NUDT7: variants seen among roughly 807,000 people sequenced by gnomAD.
NUDT7 encodes nudix hydrolase 7, also known as peroxisomal coenzyme A diphosphatase NUDT7.
A neutral mutation model predicts 13.1 loss-of-function variants in NUDT7; 19 were observed. That is an observed-to-expected ratio of 1.45 (90% CI 1.01 to 2.13). NUDT7 has a LOEUF of 2.13. Ranked by LOEUF, NUDT7 falls within the 30% of genes most tolerant of loss-of-function variation. The pLI, the probability that NUDT7 is intolerant of heterozygous loss-of-function variation, is 0.00. For synonymous variants in NUDT7, 132 were observed against 109.7 expected (o/e 1.20, Z -1.27); for missense variants, 360 against 291.7 (o/e 1.23, Z -1.71).
rs541507910 is a variant in NUDT7 at position 77,732,270 on chromosome 16, G to T, written c.190-3558G>T. On this transcript the variant is annotated intron_variant, in intron 2 of 3. Coordinates refer to ENST00000268533, the MANE Select transcript of NUDT7 (RefSeq NM_001105663.3). ...TTGAACTCAGGAGTCAGAGGCTGCA[G>T]TGAGCTGAGATCCCATCACTGCACT... 4.8e-3 allele frequency among the ~76,000 whole-genome samples: 734 copies of T among 151,924 alleles called. 2 individuals carry two copies. The highest frequency in any genetic ancestry group is 8.2e-3 in the Non-Finnish European group (559 of 67,980).
intron 2 of NUDT7, among the ~76,000 whole-genome samples, chr16:77,727,823 C>T (rs2145107306): frequency 6.6e-6 from 1 of 152,062 alleles, no homozygotes; most frequent in African/African-American, 2.4e-5. Flanking sequence ...TGCCACTGCA[C>T]TCCAGCCTGG....
intron 2 of NUDT7, among the ~76,000 whole-genome samples, chr16:77,726,059 C>T (rs1033648102): frequency 6.6e-6 from 1 of 152,134 alleles, no homozygotes; most frequent in Admixed American, 6.5e-5. Context: ...CCAAATTGCC[C>T]CCCACCAAGG....
At chr16:77,736,528 G>A (rs2145124100) in intron 3 of NUDT7, 1 of 162,936 alleles carries the variant, frequency 6.1e-6, no homozygotes, top group Admixed American at 6.0e-5. Context: ...AACTGCATTT[G>A]TGTTGGATCA....
At position 77,741,600 on chromosome 16, in the gene NUDT7, C is replaced by T. The variant is rs201447219; in HGVS notation, c.367C>T (p.Pro123Ser). The change falls in exon 4 of 4, where the codon CCA becomes TCA. Residue 123 changes from proline (P) to serine (S), a missense_variant. Coordinates refer to ENST00000268533, the MANE Select transcript of NUDT7 (RefSeq NM_001105663.3). ...CTTTTAGACAGATACATTGATAACT[C>T]CATTTGTGGGTTTAATAGACCACAA... ...CLIDTDTLITPFVGLIDHNFQ... is the reference protein window; with the variant it reads ...CLIDTDTLITSFVGLIDHNFQ... The T allele has an allele frequency of 3.9e-4, 620 of 1,609,406 alleles. No homozygotes were observed. Among genetic ancestry groups the T allele is most frequent in the Non-Finnish European group, 5.1e-4 (598 of 1,178,844 alleles).
intron 1 of NUDT7, among the ~76,000 whole-genome samples, chr16:77,722,870 G>A (rs2014004547): frequency 6.6e-6 from 1 of 152,146 alleles, no homozygotes; most frequent in Non-Finnish European, 1.5e-5. Context: ...CAGCCGGCTT[G>A]GCTGTTCTGC....
intron 2 of NUDT7, among the ~76,000 whole-genome samples, chr16:77,733,733 G>C (rs1202337025): frequency 1.3e-5 from 2 of 152,198 alleles, no homozygotes; most frequent in South Asian, 4.1e-4. Flanking sequence ...TCACAGCTCT[G>C]TGAGGAGCAC....
At chr16:77,733,381 C>A (rs2014378087) in intron 2 of NUDT7, among the ~76,000 whole-genome samples, 1 of 152,172 alleles carries the variant, frequency 6.6e-6, no homozygotes, top group African/African-American at 2.4e-5. Flanking sequence ...GGGAAAGGGG[C>A]AAAGAGTCTG....
intron 3 of NUDT7, among the ~76,000 whole-genome samples, chr16:77,737,695 C>T (rs1258099122): frequency 6.6e-6 from 1 of 152,152 alleles, no homozygotes; most frequent in Non-Finnish European, 1.5e-5. Context: ...CCGTGTTAGT[C>T]AGGATGGTCT....
chr16:77,735,764 T>G, intron 2 of NUDT7, 64 bp from the exon 3 acceptor site: 3 of 1,442,394 alleles, frequency 2.1e-6, no homozygotes, highest in Non-Finnish European at 2.9e-6. Context: ...TAAGTATTTG[T>G]TGAATGCATA....
chr16:77,733,981 A>G (rs74668871), intron 2 of NUDT7, among the ~76,000 whole-genome samples: 143 of 152,266 alleles, frequency 9.4e-4, no homozygotes, highest in East Asian at 3.7e-3. Context: ...AAAGACAGAG[A>G]TAAGAAAGGG....
At chr16:77,733,094 C>G (rs1265059871) in intron 2 of NUDT7, among the ~76,000 whole-genome samples, 1 of 152,086 alleles carries the variant, frequency 6.6e-6, no homozygotes, top group East Asian at 1.9e-4. Flanking sequence ...TGCAGTGTTC[C>G]TGATTTATCA....
chr16:77,735,918 C>A lies in NUDT7; in HGVS notation c.280C>A (p.Gln94Lys), dbSNP rs202017719. Residue 94 changes from glutamine (Q) to lysine (K), a missense_variant, in exon 3 of 4, where the codon CAG becomes AAG. Physicochemically the swap from Gln to Lys is moderately conservative, Grantham distance 53. Coordinates refer to ENST00000268533, the MANE Select transcript of NUDT7 (RefSeq NM_001105663.3). Reference sequence around the variant, plus strand: ...TGCAGCCACAGCTCTCCGGGAAGCCCAGGAGGAAGTGGGTCTCCGTCCTCA... The same window carrying A: ...TGCAGCCACAGCTCTCCGGGAAGCCAAGGAGGAAGTGGGTCTCCGTCCTCA... ...DDAATALREA[Q>K]EEVGLRPHQV... The A allele has an allele frequency of 2.6e-5, 42 of 1,613,910 alleles. No individual in the cohort carries two copies. The highest frequency in any genetic ancestry group is 3.4e-5 in the Non-Finnish European group (40 of 1,179,956).
intron 3 of NUDT7, 145 bp from the exon 4 acceptor site, chr16:77,741,437 C>T: frequency 1.3e-6 from 1 of 759,566 alleles, no homozygotes; most frequent in Non-Finnish European, 2.1e-6. Context: ...TTAGGGGGAA[C>T]ATAAATTTGT....
intron 2 of NUDT7, among the ~76,000 whole-genome samples, chr16:77,726,537 A>C (rs2004128): frequency 0.23 from 35,289 of 151,936 alleles, 4,532 homozygotes; most frequent in African/African-American, 0.36. Context: ...TGGCTCAAGC[A>C]TGTAATCCCA....
At chr16:77,740,801 G>A (rs376690424) in intron 3 of NUDT7, among the ~76,000 whole-genome samples, 131 of 152,206 alleles carry the variant, frequency 8.6e-4, no homozygotes, top group African/African-American at 3.0e-3. Context: ...GCCCACCTCA[G>A]CCTCCCAAAG....
At chr16:77,722,648 G>C in intron 1 of NUDT7, 31 bp downstream of exon 1, 1 of 1,575,130 alleles carries the variant, frequency 6.3e-7, no homozygotes, top group Non-Finnish European at 8.6e-7. Context: ...GGCACCCCGA[G>C]CTTGGTCAGG....
intron 3 of NUDT7, chr16:77,736,514 T>A (rs554007207): frequency 6.1e-6 from 1 of 164,410 alleles, no homozygotes; most frequent in Admixed American, 6.0e-5. Context: ...CTATTACTAT[T>A]CATAACTGCA....
chr16:77,741,703 T>A lies in NUDT7; in HGVS notation c.470T>A (p.Val157Asp), dbSNP rs1365906254. The A allele has an allele frequency of 1.9e-6, 3 of 1,614,128 alleles. No individual in the cohort carries two copies. The highest frequency in any genetic ancestry group is 2.5e-6 in the Non-Finnish European group (3 of 1,180,018). Reference protein sequence around the residue: ...VPLAYFLHPQVHDQHYVTRLG... With the variant: ...VPLAYFLHPQDHDQHYVTRLG... Reference sequence around the variant, plus strand: ...CTGGCCTATTTCCTGCATCCACAGGTCCATGACCAGCATTACGTCACACGT... The same window carrying A: ...CTGGCCTATTTCCTGCATCCACAGGACCATGACCAGCATTACGTCACACGT... Residue 157 changes from valine (V) to aspartate (D), a missense_variant, in exon 4 of 4, where the codon GTC becomes GAC. By Grantham distance (152) the Val-to-Asp change is radical. Transcript: ENST00000268533.
chr16:77,723,276 T>C (rs898309376), intron 1 of NUDT7, among the ~76,000 whole-genome samples: 1 of 152,222 alleles, frequency 6.6e-6, no homozygotes. Context: ...CTGGCCTGCG[T>C]GCATCCAGAT....
Sources: allele counts gnomAD v4.1 joint callset (sites outside exome capture counted in the v4.1 genomes callset), GRCh38; gene constraint gnomAD v4.1.1; transcripts MANE v1.5; gene names NCBI Gene and HGNC (gene_info 2026-07-23, HGNC 2026-07-21).